Variants in EZH2 observed in about 807,000 individuals in gnomAD.
The protein encoded by EZH2 is histone-lysine N-methyltransferase EZH2.
In EZH2, 18 loss-of-function variants were observed where a neutral mutation model predicts 98.4. The ratio of observed to expected loss-of-function variants is 0.18; its 90% confidence interval spans 0.13 to 0.27. The LOEUF (loss-of-function observed/expected upper bound fraction) is 0.27, where lower values mean the gene tolerates loss of function less well. EZH2 is among the 10% of genes least tolerant of loss of function. The pLI, the probability that EZH2 is intolerant of heterozygous loss-of-function variation, is 1.00. For missense variants in EZH2, 470 were observed against 935.1 expected (o/e 0.50, Z 6.49); for synonymous variants, 338 against 312.3 (o/e 1.08, Z -0.87).
intron 1 of EZH2, among the ~76,000 whole-genome samples, chr7:148,850,828 C>T (rs1268173605): frequency 1.3e-5 from 2 of 152,112 alleles, no homozygotes; most frequent in Admixed American, 1.3e-4. Flanking sequence ...ATGTTTTTTC[C>T]TATACGTACA....
chr7:148,842,196 C>T (rs1317697061), intron 3 of EZH2, among the ~76,000 whole-genome samples: 1 of 152,146 alleles, frequency 6.6e-6, no homozygotes. Context: ...CTAATCATAC[C>T]ATTTGCCCAG....
chr7:148,870,410 T>A (rs1462773742), intron 1 of EZH2, among the ~76,000 whole-genome samples: 1 of 151,982 alleles, frequency 6.6e-6, no homozygotes, highest in Admixed American at 6.6e-5. Flanking sequence ...GTTTAATAAG[T>A]ATAAAGTTCT....
At chr7:148,845,787 TATGCC>T (rs1278153521) in intron 3 of EZH2, among the ~76,000 whole-genome samples, 1 of 152,240 alleles carries the variant, frequency 6.6e-6, no homozygotes. Flanking sequence ...TTAAATATCC[TATGCC>T]ATGTCTTTCT....
chr7:148,881,750 A>G (rs922726714), intron 1 of EZH2, among the ~76,000 whole-genome samples: 3 of 152,020 alleles, frequency 2.0e-5, no homozygotes, highest in African/African-American at 4.8e-5. Context: ...CCTGGCCAAC[A>G]TGGTGAAACC....
intron 3 of EZH2, among the ~76,000 whole-genome samples, chr7:148,843,838 GC>G (rs1369568447): frequency 6.6e-6 from 1 of 151,622 alleles, no homozygotes; most frequent in African/African-American, 2.4e-5. Context: ...CTCGTGATCC[GC>G]CCGCCTCGGC....
intron 1 of EZH2, among the ~76,000 whole-genome samples, chr7:148,862,305 A>C (rs976069721): frequency 6.6e-6 from 1 of 152,226 alleles, no homozygotes; most frequent in African/African-American, 2.4e-5. Flanking sequence ...GTACTGGTCC[A>C]CTGAGTTACG....
chr7:148,865,595 ATCT>A (rs1818326066), intron 1 of EZH2, among the ~76,000 whole-genome samples: 1 of 152,190 alleles, frequency 6.6e-6, no homozygotes, highest in African/African-American at 2.4e-5. Context: ...AAGAGCAATG[ATCT>A]GTTCTCATTC....
At chr7:148,852,025 T>C (rs1366237471) in intron 1 of EZH2, among the ~76,000 whole-genome samples, 1 of 152,228 alleles carries the variant, frequency 6.6e-6, no homozygotes, top group Non-Finnish European at 1.5e-5. Context: ...ATCCCACTAG[T>C]ATGAACTTTA....
intron 1 of EZH2, among the ~76,000 whole-genome samples, chr7:148,865,084 G>A (rs1341503911): frequency 4.0e-5 from 6 of 149,580 alleles, no homozygotes; most frequent in African/African-American, 1.2e-4. Context: ...CTGAGATCGC[G>A]CCACTGCTCT....
At chr7:148,815,574 A>T in intron 12 of EZH2, 28 bp from the exon 13 acceptor site, 1 of 1,610,572 alleles carries the variant, frequency 6.2e-7, no homozygotes, top group Non-Finnish European at 8.5e-7. Context: ...AAATTAAACC[A>T]AATTTCTGCG....
At chr7:148,872,142 T>C (rs566746912) in intron 1 of EZH2, among the ~76,000 whole-genome samples, 6 of 152,304 alleles carry the variant, frequency 3.9e-5, no homozygotes, top group African/African-American at 1.2e-4. Context: ...CGAAATAGTA[T>C]ACAGCCTTTA....
chr7:148,843,408 A>T (rs1047323722), intron 3 of EZH2, among the ~76,000 whole-genome samples: 1 of 151,734 alleles, frequency 6.6e-6, no homozygotes, highest in Non-Finnish European at 1.5e-5. Context: ...AGAAAACCAC[A>T]TACTGGAGAT....
intron 8 of EZH2, among the ~76,000 whole-genome samples, chr7:148,825,709 A>G (rs554186150): frequency 1.3e-5 from 2 of 152,346 alleles, no homozygotes; most frequent in South Asian, 4.1e-4. Flanking sequence ...AAGCCCCTAA[A>G]GAAATTACCA....
chr7:148,820,595 A>T (rs1387834934), intron 8 of EZH2, among the ~76,000 whole-genome samples: 1 of 152,078 alleles, frequency 6.6e-6, no homozygotes, highest in East Asian at 1.9e-4. Context: ...AAGAAGAAAA[A>T]TTCAAGGCTC....
At chr7:148,850,641 CTA>C (rs1332406179) in intron 1 of EZH2, among the ~76,000 whole-genome samples, 1 of 152,184 alleles carries the variant, frequency 6.6e-6, no homozygotes, top group Non-Finnish European at 1.5e-5. Context: ...GTATTTCACT[CTA>C]TTCCCACTGT....
At chr7:148,810,232 G>A in intron 17 of EZH2, 101 bp downstream of exon 17, 1 of 778,460 alleles carries the variant, frequency 1.3e-6, no homozygotes, top group Non-Finnish European at 2.2e-6. Context: ...TCCTCCTTCT[G>A]GTCACCTCAC....
chr7:148,864,756 T>C (rs945722171), intron 1 of EZH2, among the ~76,000 whole-genome samples: 1 of 151,950 alleles, frequency 6.6e-6, no homozygotes, highest in Non-Finnish European at 1.5e-5. Flanking sequence ...AAATCGATTT[T>C]ATAAGTTAAA....
chr7:148,874,896 CAA>C (rs546277839), intron 1 of EZH2, among the ~76,000 whole-genome samples: 19 of 81,384 alleles, frequency 2.3e-4, no homozygotes, highest in Non-Finnish European at 2.4e-4. Context: ...GACTCCGTCT[CAA>C]AAAAAAAAAA....
At chr7:148,836,375 T>C (rs1585076013) in intron 3 of EZH2, among the ~76,000 whole-genome samples, 1 of 152,222 alleles carries the variant, frequency 6.6e-6, no homozygotes, top group Non-Finnish European at 1.5e-5. Flanking sequence ...TTATGAAATA[T>C]TCAAATGCAA....
Sources: allele counts gnomAD v4.1 joint callset (sites outside exome capture counted in the v4.1 genomes callset), GRCh38; gene constraint gnomAD v4.1.1; transcripts MANE v1.5; gene names NCBI Gene and HGNC (gene_info 2026-07-23, HGNC 2026-07-21).